The following PIP4K2A variants were observed in gnomAD, a reference collection of about 807,000 sequenced individuals.
PIP4K2A encodes phosphatidylinositol 5-phosphate 4-kinase type-2 alpha.
PIP4K2A carries 14 observed loss-of-function variants against 42.9 expected under a neutral mutation model. That is an observed-to-expected ratio of 0.33 (90% confidence interval 0.22 to 0.51). PIP4K2A has a LOEUF of 0.51. Ranked by LOEUF, PIP4K2A falls within the 20% of genes least tolerant of loss-of-function variation. The pLI, the probability that PIP4K2A is intolerant of heterozygous loss-of-function variation, is 0.97. For synonymous variants in PIP4K2A, 192 were observed against 192.2 expected (o/e 1.00, Z 0.01); for missense variants, 434 against 519.8 (o/e 0.83, Z 1.61).
At chr10:22,695,236 C>T (rs925950126) in intron 1 of PIP4K2A, among the ~76,000 whole-genome samples, 18 of 152,034 alleles carry the variant, frequency 1.2e-4, no homozygotes, top group African/African-American at 4.4e-4. Flanking sequence ...TAATATTTAC[C>T]GTCAGTGGAT....
chr10:22,694,815 A>G (rs1323369293), intron 1 of PIP4K2A, among the ~76,000 whole-genome samples: 1 of 152,230 alleles, frequency 6.6e-6, no homozygotes, highest in Non-Finnish European at 1.5e-5. Context: ...TTTTCAATAA[A>G]TGTAAAAAGT....
chr10:22,636,539 T>C (rs758060736), intron 1 of PIP4K2A, among the ~76,000 whole-genome samples: 64 of 152,212 alleles, frequency 4.2e-4, no homozygotes, highest in Non-Finnish European at 6.6e-4. Context: ...GGTAGGATTA[T>C]AGGCATGAGC....
intron 1 of PIP4K2A, among the ~76,000 whole-genome samples, chr10:22,679,153 G>C (rs1309337486): frequency 6.6e-6 from 1 of 152,112 alleles, no homozygotes; most frequent in Non-Finnish European, 1.5e-5. Flanking sequence ...CTAATAAAAT[G>C]AGAGAAAATA....
intron 1 of PIP4K2A, among the ~76,000 whole-genome samples, chr10:22,646,958 C>A (rs563851414): frequency 3.5e-5 from 5 of 144,062 alleles, no homozygotes; most frequent in Middle Eastern, 3.5e-3. Context: ...CAAAACAAAA[C>A]AAAAAAAAAC....
intron 1 of PIP4K2A, among the ~76,000 whole-genome samples, chr10:22,664,154 C>CATAT (rs66781717): frequency 0.23 from 14,264 of 61,968 alleles, 2,095 homozygotes; most frequent in Admixed American, 0.37. Context: ...TATATATACA[C>CATAT]ATATATATAT....
chr10:22,626,787 T>C (rs189909821), intron 1 of PIP4K2A, among the ~76,000 whole-genome samples: 6 of 152,358 alleles, frequency 3.9e-5, no homozygotes, highest in Admixed American at 6.5e-5. Context: ...TTTAGACGCA[T>C]GTATACTCAC....
intron 3 of PIP4K2A, among the ~76,000 whole-genome samples, chr10:22,596,522 A>G (rs1261240446): frequency 6.6e-6 from 1 of 152,226 alleles, no homozygotes; most frequent in South Asian, 2.1e-4. Context: ...TGCTGCCTCA[A>G]AACAGTCTAT....
intron 6 of PIP4K2A, among the ~76,000 whole-genome samples, chr10:22,555,893 A>G (rs569260166): frequency 0.016 from 784 of 48,736 alleles, 2 homozygotes; most frequent in Middle Eastern, 0.049. Flanking sequence ...AGAGCTGATG[A>G]GCTTAAAAAA....
intron 6 of PIP4K2A, among the ~76,000 whole-genome samples, chr10:22,566,436 C>T (rs1285145178): frequency 1.3e-5 from 2 of 152,134 alleles, no homozygotes; most frequent in African/African-American, 4.8e-5. Flanking sequence ...CTGCCTAAAC[C>T]AGAAACTTGG....
chr10:22,714,362 C>G lies in PIP4K2A; in HGVS notation c.-36G>C. On this transcript the variant is annotated 5_prime_UTR_variant, in exon 1 of 10. Coordinates refer to ENST00000376573, the MANE Select transcript of PIP4K2A (RefSeq NM_005028.5). Reference sequence around the variant, plus strand: ...TATGTCCCCTCCACCGCCGTGCTCCCGAGGCCGGGGACCCGCCCTCTCTAC... The same window carrying G: ...TATGTCCCCTCCACCGCCGTGCTCCGGAGGCCGGGGACCCGCCCTCTCTAC... 3 of 1,494,096 alleles carry G rather than the reference C, an allele frequency of 2.0e-6. No individual in the cohort carries two copies. Among genetic ancestry groups the G allele is most frequent in the East Asian group, 2.7e-5 (1 of 36,908 alleles). 92.6% of individuals were successfully genotyped at this position (1,494,096 alleles called of 1,614,324 possible). A position where few individuals can be genotyped will look rare whatever the true frequency, so the allele number is the denominator to read the frequency against.
chr10:22,549,552 C>A (rs1836346566), intron 7 of PIP4K2A, among the ~76,000 whole-genome samples: 1 of 151,834 alleles, frequency 6.6e-6, no homozygotes. Flanking sequence ...AGAAAATAAC[C>A]TTTTTTTGGC....
At chr10:22,713,118 T>A (rs1015661721) in intron 1 of PIP4K2A, among the ~76,000 whole-genome samples, 3 of 152,174 alleles carry the variant, frequency 2.0e-5, no homozygotes, top group African/African-American at 7.2e-5. Context: ...TCGTTTAAAC[T>A]TTCCTGGCTG....
At chr10:22,630,040 C>T (rs920751544) in intron 1 of PIP4K2A, among the ~76,000 whole-genome samples, 5 of 152,116 alleles carry the variant, frequency 3.3e-5, no homozygotes, top group Non-Finnish European at 7.4e-5. Context: ...CATCTGACTC[C>T]AAAAGCACAC....
At chr10:22,537,573 G>T (rs1180163928) in intron 9 of PIP4K2A, among the ~76,000 whole-genome samples, 4 of 152,148 alleles carry the variant, frequency 2.6e-5, no homozygotes, top group Admixed American at 6.5e-5. Flanking sequence ...AACAGGCCAC[G>T]TTTGGGATGT....
chr10:22,672,238 C>G (rs1279498345), intron 1 of PIP4K2A, among the ~76,000 whole-genome samples: 2 of 151,314 alleles, frequency 1.3e-5, no homozygotes, highest in Non-Finnish European at 2.9e-5. Flanking sequence ...ATCCTGAAAA[C>G]AAGGTTCCCT....
chr10:22,585,204 G>A (rs960516842), intron 4 of PIP4K2A, among the ~76,000 whole-genome samples: 2 of 152,074 alleles, frequency 1.3e-5, no homozygotes, highest in South Asian at 2.1e-4. Flanking sequence ...TAACACCAAC[G>A]TCCCTAACCT....
intron 1 of PIP4K2A, among the ~76,000 whole-genome samples, chr10:22,648,718 C>T (rs750195691): frequency 2.6e-5 from 4 of 152,186 alleles, no homozygotes; most frequent in African/African-American, 4.8e-5. Context: ...TTCCTTCACA[C>T]GCTTCAAGGA....
At chr10:22,580,401 G>A (rs2130805711) in intron 4 of PIP4K2A, among the ~76,000 whole-genome samples, 1 of 152,088 alleles carries the variant, frequency 6.6e-6, no homozygotes, top group East Asian at 1.9e-4. Flanking sequence ...TGCAGTCCCG[G>A]TAATTCGGGA....
At chr10:22,644,585 A>G (rs1224378767) in intron 1 of PIP4K2A, among the ~76,000 whole-genome samples, 3 of 152,164 alleles carry the variant, frequency 2.0e-5, no homozygotes, top group East Asian at 1.9e-4. Flanking sequence ...ATGCCACCTT[A>G]GCAGATGGGG....
Sources: allele counts gnomAD v4.1 joint callset (sites outside exome capture counted in the v4.1 genomes callset), GRCh38; gene constraint gnomAD v4.1.1; transcripts MANE v1.5; gene names NCBI Gene and HGNC (gene_info 2026-07-23, HGNC 2026-07-21).